The following IL1RAPL1 variants were observed in gnomAD, a reference collection of about 807,000 sequenced individuals.
IL1RAPL1 encodes interleukin-1 receptor accessory protein-like 1.
A neutral mutation model predicts 48.4 loss-of-function variants in IL1RAPL1; 3 were observed. The observed-to-expected ratio is 0.06, with a 90% CI of 0.03 to 0.16. The LOEUF is 0.16. Among genes scored for constraint, IL1RAPL1 ranks in the 10% least tolerant of loss-of-function variants. The pLI is 1.00. For missense variants in IL1RAPL1, 349 were observed against 530.6 expected (o/e 0.66, Z 3.36); for synonymous variants, 185 against 187.7 (o/e 0.99, Z 0.12).
At chrX:29,333,613 G>A (rs1321088259) in intron 3 of IL1RAPL1, among the ~76,000 whole-genome samples, 2 of 89,114 alleles carry the variant, frequency 2.2e-5, no homozygotes, top group Middle Eastern at 8.9e-3. Context: ...CAGACGGGGC[G>A]GCTGGCCGGG....
intron 5 of IL1RAPL1, among the ~76,000 whole-genome samples, chrX:29,611,569 G>A (rs933773059): frequency 9.0e-6 from 1 of 111,655 alleles, no homozygotes; most frequent in Admixed American, 9.5e-5. Context: ...CCTGAGGGCT[G>A]TGTCATGCGC....
rs200193070 is a variant in IL1RAPL1, at chrX:29,240,183, T to TAC, written c.83-42743_83-42742dup. On this transcript the variant is annotated intron_variant, in intron 2 of 10. Coordinates refer to ENST00000378993, the MANE Select transcript of IL1RAPL1 (RefSeq NM_014271.4). ...TGCCTACCACATAGTAGTATATAGG[T>TAC]ACACACACACACATATATATATATA... is the stretch of plus-strand genomic sequence containing the variant. Among the ~76,000 whole-genome samples the TAC allele has an allele frequency of 3.4e-3, 153 of 44,462 alleles. 7 individuals carry two copies. Among genetic ancestry groups the TAC allele is most frequent in the African/African-American group, 8.3e-3 (110 of 13,233 alleles). The allele number at this position is 44,462 out of a possible 115,157, so 38.6% of individuals were successfully genotyped here.
chrX:29,864,842 A>AAAT (rs1394974613), intron 6 of IL1RAPL1, among the ~76,000 whole-genome samples: 1 of 112,266 alleles, frequency 8.9e-6, no homozygotes, highest in East Asian at 2.8e-4. Flanking sequence ...GTCTAAAGAA[A>AAAT]AATTTGCTGT....
chrX:28,676,881 A>G (rs752362372), intron 1 of IL1RAPL1, among the ~76,000 whole-genome samples: 7 of 111,638 alleles, frequency 6.3e-5, no homozygotes, highest in Non-Finnish European at 1.1e-4. Flanking sequence ...TCTTATACGT[A>G]GTGACAGACT....
intron 5 of IL1RAPL1, among the ~76,000 whole-genome samples, chrX:29,521,384 A>G (rs923496231): frequency 3.6e-5 from 4 of 111,751 alleles, no homozygotes; most frequent in Non-Finnish European, 7.5e-5. Flanking sequence ...ATGTGATTGT[A>G]TGCCTTAATT....
At chrX:29,853,369 G>T (rs2147199766) in intron 6 of IL1RAPL1, among the ~76,000 whole-genome samples, 1 of 109,596 alleles carries the variant, frequency 9.1e-6, no homozygotes, top group African/African-American at 3.3e-5. Context: ...AGGCATCATA[G>T]ATCACTTGAG....
chrX:29,836,182 AT>A (rs1300477681), intron 6 of IL1RAPL1, among the ~76,000 whole-genome samples: 2 of 57,651 alleles, frequency 3.5e-5, no homozygotes, highest in African/African-American at 5.9e-5. Context: ...TTGTGTTTTC[AT>A]TTTTCTTTTT....
intron 2 of IL1RAPL1, among the ~76,000 whole-genome samples, chrX:29,157,361 A>G (rs1929589696): frequency 8.9e-6 from 1 of 111,752 alleles, no homozygotes. Context: ...ATGATAATTC[A>G]TTGAAGTGCT....
chrX:29,558,101 A>G (rs1351643743), intron 5 of IL1RAPL1, among the ~76,000 whole-genome samples: 2 of 111,493 alleles, frequency 1.8e-5, no homozygotes, highest in Non-Finnish European at 3.8e-5. Context: ...TCATTTTTTG[A>G]GGAACCTCCA....
At chrX:29,504,289 A>G (rs745828324) in intron 5 of IL1RAPL1, among the ~76,000 whole-genome samples, 1 of 111,781 alleles carries the variant, frequency 8.9e-6, no homozygotes, top group South Asian at 3.7e-4. Flanking sequence ...TGCACTGATA[A>G]TAAAGAATGT....
chrX:29,111,736 C>G (rs190963358), intron 2 of IL1RAPL1, among the ~76,000 whole-genome samples: 3 of 110,940 alleles, frequency 2.7e-5, no homozygotes, highest in African/African-American at 9.8e-5. Context: ...ACACTTTCCT[C>G]GATCCTTAAT....
At chrX:28,867,294 C>T (rs1259674807) in intron 2 of IL1RAPL1, among the ~76,000 whole-genome samples, 6 of 111,634 alleles carry the variant, frequency 5.4e-5, no homozygotes, top group Non-Finnish European at 1.1e-4. Context: ...GTTTTCATAT[C>T]TGTCATCCTT....
At chrX:29,763,383 T>G (rs1249600033) in intron 6 of IL1RAPL1, among the ~76,000 whole-genome samples, 2 of 111,583 alleles carry the variant, frequency 1.8e-5, no homozygotes, top group African/African-American at 6.5e-5. Context: ...AGCAGAAATT[T>G]AGAAACTAAT....
intron 6 of IL1RAPL1, among the ~76,000 whole-genome samples, chrX:29,838,180 A>T (rs1274890384): frequency 8.9e-6 from 1 of 112,209 alleles, no homozygotes; most frequent in Non-Finnish European, 1.9e-5. Flanking sequence ...ACCAAATCTG[A>T]TTTAACTTGA....
At chrX:28,679,863 A>G (rs1935038314) in intron 1 of IL1RAPL1, among the ~76,000 whole-genome samples, 1 of 111,779 alleles carries the variant, frequency 8.9e-6, no homozygotes, top group African/African-American at 3.2e-5. Flanking sequence ...GTAGCTTTGT[A>G]ATACATTATT....
chrX:29,408,446 C>G (rs1027158365), intron 5 of IL1RAPL1, among the ~76,000 whole-genome samples: 4 of 110,929 alleles, frequency 3.6e-5, no homozygotes, highest in African/African-American at 9.8e-5. Flanking sequence ...CATTTAATTT[C>G]TAGGGTCAGA....
intron 2 of IL1RAPL1, among the ~76,000 whole-genome samples, chrX:28,946,756 C>T (rs1924316306): frequency 9.0e-6 from 1 of 111,111 alleles, no homozygotes; most frequent in Non-Finnish European, 1.9e-5. Flanking sequence ...TAGTATGCTC[C>T]TTGAAGGCAG....
At chrX:28,909,752 T>G (rs1183623269) in intron 2 of IL1RAPL1, among the ~76,000 whole-genome samples, 3 of 111,710 alleles carry the variant, frequency 2.7e-5, no homozygotes, top group Non-Finnish European at 5.7e-5. Context: ...AGTAACAGCT[T>G]TTTGTTTTGA....
At chrX:29,273,639 G>A (rs978207652) in intron 2 of IL1RAPL1, among the ~76,000 whole-genome samples, 1 of 111,851 alleles carries the variant, frequency 8.9e-6, no homozygotes, top group African/African-American at 3.2e-5. Flanking sequence ...ATGTGTGGTA[G>A]GGTGCACATT....
Sources: allele counts gnomAD v4.1 joint callset (sites outside exome capture counted in the v4.1 genomes callset), GRCh38; gene constraint gnomAD v4.1.1; transcripts MANE v1.5; gene names NCBI Gene and HGNC (gene_info 2026-07-23, HGNC 2026-07-21).